The following GRID2 variants were observed in gnomAD, a reference collection of about 807,000 sequenced individuals.
The protein encoded by GRID2 is glutamate receptor ionotropic, delta-2.
A neutral mutation model predicts 114.8 loss-of-function variants in GRID2; 33 were observed. The ratio of observed to expected loss-of-function variants is 0.29; its 90% confidence interval spans 0.22 to 0.38. The LOEUF is 0.38. GRID2 is among the 10% of genes least tolerant of loss of function. GRID2 has a pLI of 1.00. For synonymous variants in GRID2, 505 were observed against 449.9 expected, an observed-to-expected ratio of 1.12 and a Z score of -1.55; for missense variants, 1,184 against 1,257.7, an observed-to-expected ratio of 0.94 and a Z score of 0.89.
intron 2 of GRID2, among the ~76,000 whole-genome samples, chr4:93,037,323 C>G (rs760483544): frequency 7.9e-5 from 12 of 152,052 alleles, no homozygotes; most frequent in Non-Finnish European, 1.6e-4. Flanking sequence ...GTTACACAGA[C>G]TTTAAAGAAA....
At chr4:93,258,820 T>C (rs1749916814) in intron 8 of GRID2, 1 of 439,642 alleles carries the variant, frequency 2.3e-6, no homozygotes, top group South Asian at 1.6e-5. Context: ...CTATTCTTTC[T>C]ATAAACAACA....
chr4:92,995,426 A>G (rs1755141901), intron 2 of GRID2, among the ~76,000 whole-genome samples: 1 of 152,286 alleles, frequency 6.6e-6, no homozygotes, highest in African/African-American at 2.4e-5. Context: ...TCTCTTTTTA[A>G]TTATTTTTAC....
chr4:93,272,640 T>C (rs565939967), intron 8 of GRID2, among the ~76,000 whole-genome samples: 1 of 152,176 alleles, frequency 6.6e-6, no homozygotes, highest in African/African-American at 2.4e-5. Flanking sequence ...AGAGGGGTGG[T>C]TTTGCCTGGC....
intron 2 of GRID2, among the ~76,000 whole-genome samples, chr4:92,710,158 A>G (rs1380612125): frequency 6.6e-6 from 1 of 152,178 alleles, no homozygotes; most frequent in East Asian, 1.9e-4. Context: ...TCTTGATGCC[A>G]TACCAATTAT....
At chr4:93,236,153 A>G (rs1013953943) in intron 7 of GRID2, among the ~76,000 whole-genome samples, 1 of 152,088 alleles carries the variant, frequency 6.6e-6, no homozygotes, top group East Asian at 1.9e-4. Flanking sequence ...AGTATTTGTC[A>G]TTTGGAGATA....
chr4:92,653,161 C>A (rs1176279043), intron 2 of GRID2, among the ~76,000 whole-genome samples: 2 of 150,266 alleles, frequency 1.3e-5, no homozygotes, highest in Admixed American at 1.3e-4. Context: ...CCACACCCGG[C>A]TAATTTTTTT....
intron 14 of GRID2, among the ~76,000 whole-genome samples, chr4:93,720,971 CA>C (rs1162277664): frequency 6.6e-6 from 1 of 152,156 alleles, no homozygotes; most frequent in Non-Finnish European, 1.5e-5. Context: ...AGGATGAACA[CA>C]AGATATGTTT....
chr4:93,273,463 C>T (rs1751714978), intron 8 of GRID2, among the ~76,000 whole-genome samples: 1 of 76,442 alleles, frequency 1.3e-5, no homozygotes. Flanking sequence ...AATAATATCC[C>T]CCCCCCCAAA....
chr4:93,608,296 C>CTTTTTTTTTTTTTTT (rs774334616), intron 13 of GRID2, among the ~76,000 whole-genome samples: 15 of 116,930 alleles, frequency 1.3e-4, no homozygotes, highest in East Asian at 4.8e-4. Flanking sequence ...ATTTTTTTTT[C>CTTTTTTTTTTTTTTT]TTTTTTTTTT....
chr4:93,710,139 T>C (rs1443032430), intron 14 of GRID2, among the ~76,000 whole-genome samples: 2 of 152,206 alleles, frequency 1.3e-5, no homozygotes, highest in Admixed American at 6.5e-5. Context: ...TGTTTGTCAA[T>C]GTTTAGGCAT....
At chr4:93,207,175 G>T (rs933264856) in intron 4 of GRID2, among the ~76,000 whole-genome samples, 1 of 152,016 alleles carries the variant, frequency 6.6e-6, no homozygotes, top group Non-Finnish European at 1.5e-5. Flanking sequence ...TCTAGGTTTT[G>T]ATGAATTATG....
At chr4:93,774,869 C>A (rs1734330075), downstream of GRID2, among the ~76,000 whole-genome samples, 1 of 151,484 alleles carries the variant, frequency 6.6e-6, no homozygotes, top group African/African-American at 2.4e-5. Context: ...GCAATGCAAC[C>A]ATTATGATAA....
chr4:93,658,114 T>C (rs1422628484), intron 14 of GRID2, among the ~76,000 whole-genome samples: 2 of 152,212 alleles, frequency 1.3e-5, no homozygotes, highest in Non-Finnish European at 2.9e-5. Flanking sequence ...TTGCCACTTG[T>C]ATCTTAGGGC....
At chr4:93,453,247 G>A (rs1240515987) in intron 10 of GRID2, among the ~76,000 whole-genome samples, 5 of 150,436 alleles carry the variant, frequency 3.3e-5, no homozygotes, top group African/African-American at 1.2e-4. Context: ...GTGTTCTGCT[G>A]TATCATTGAT....
At chr4:93,269,325 A>C (rs1183248328) in intron 8 of GRID2, among the ~76,000 whole-genome samples, 1 of 152,180 alleles carries the variant, frequency 6.6e-6, no homozygotes, top group African/African-American at 2.4e-5. Context: ...GGTTAATTTT[A>C]TTTTACAGAA....
chr4:93,472,660 A>G (rs1041312149), intron 11 of GRID2, among the ~76,000 whole-genome samples: 1 of 152,194 alleles, frequency 6.6e-6, no homozygotes, highest in Non-Finnish European at 1.5e-5. Context: ...GGTTGGAGAT[A>G]AGACTAGAGA....
At chr4:93,600,920 G>A (rs954979047) in intron 13 of GRID2, among the ~76,000 whole-genome samples, 19 of 152,158 alleles carry the variant, frequency 1.2e-4, no homozygotes, top group Admixed American at 1.1e-3. Context: ...AGTCAGAAGA[G>A]TACATGCCAT....
At chr4:92,779,062 TC>T (rs758403650) in intron 2 of GRID2, among the ~76,000 whole-genome samples, 3 of 152,042 alleles carry the variant, frequency 2.0e-5, no homozygotes, top group Non-Finnish European at 4.4e-5. Flanking sequence ...TAAGGCAATA[TC>T]AAAAATTAAA....
At chr4:93,678,327 A>G (rs1414480292) in intron 14 of GRID2, among the ~76,000 whole-genome samples, 2 of 152,196 alleles carry the variant, frequency 1.3e-5, no homozygotes, top group Non-Finnish European at 1.5e-5. Flanking sequence ...TGACTGGGAG[A>G]ATGGAACCAA....
Sources: gnomAD v4.1 joint callset for allele counts (sites outside exome capture counted in the v4.1 genomes callset) on GRCh38, gnomAD v4.1.1 for gene constraint, MANE v1.5 for transcripts, NCBI Gene and HGNC (gene_info 2026-07-23, HGNC 2026-07-21) for gene names.